CPNE8: variants seen among roughly 807,000 people sequenced by gnomAD.
The protein encoded by CPNE8 is copine 8.
Under a neutral mutation model 81.5 loss-of-function variants are expected in CPNE8, and 45 were observed. The ratio of observed to expected loss-of-function variants is 0.55; its 90% CI spans 0.44 to 0.71. The LOEUF (loss-of-function observed/expected upper bound fraction) is 0.71. Among genes scored for constraint, CPNE8 ranks in the 30% least tolerant of loss-of-function variants. The pLI is 0.00. For missense variants in CPNE8, 594 were observed against 672.1 expected (o/e 0.88, Z 1.28); for synonymous variants, 252 against 226.3 (o/e 1.11, Z -1.02).
At chr12:38,839,831 G>A in intron 5 of CPNE8, 85 bp downstream of exon 5, 1 of 1,172,492 alleles carries the variant, frequency 8.5e-7, no homozygotes, top group Non-Finnish European at 1.2e-6. Flanking sequence ...TAACTTAATA[G>A]ATGTATAACT....
At chr12:38,657,592 C>T (rs1056680673) in intron 19 of CPNE8, among the ~76,000 whole-genome samples, 1 of 152,162 alleles carries the variant, frequency 6.6e-6, no homozygotes, top group African/African-American at 2.4e-5. Flanking sequence ...TCCCTGACCC[C>T]CGTATAGCGT....
chr12:38,895,421 A>T (rs1446337096), intron 1 of CPNE8, among the ~76,000 whole-genome samples: 1 of 152,034 alleles, frequency 6.6e-6, no homozygotes, highest in Non-Finnish European at 1.5e-5. Context: ...CTTACTTTTC[A>T]TTTGCCCAGA....
chr12:38,689,722 A>C (rs1939626431), intron 15 of CPNE8, among the ~76,000 whole-genome samples: 1 of 152,224 alleles, frequency 6.6e-6, no homozygotes, highest in Non-Finnish European at 1.5e-5. Flanking sequence ...AGGAGAAATC[A>C]CTTGGACAGG....
chr12:38,873,140 G>C (rs890595762), intron 2 of CPNE8, 90 bp from the exon 3 acceptor site: 6 of 782,944 alleles, frequency 7.7e-6, no homozygotes, highest in African/African-American at 3.7e-5. Context: ...CTGTTCAAAA[G>C]CTACATCAAA....
At chr12:38,871,428 G>A (rs990149077) in intron 3 of CPNE8, among the ~76,000 whole-genome samples, 12 of 152,166 alleles carry the variant, frequency 7.9e-5, no homozygotes, top group South Asian at 2.1e-4. Context: ...TCAGTAAGCC[G>A]TTCCACTGTA....
intron 6 of CPNE8, among the ~76,000 whole-genome samples, chr12:38,822,279 C>T (rs1219186742): frequency 6.6e-6 from 1 of 152,150 alleles, no homozygotes; most frequent in African/African-American, 2.4e-5. Flanking sequence ...CTCAGTTCCC[C>T]TATTTGATAG....
chr12:38,859,342 A>G (rs1021420286), intron 3 of CPNE8, among the ~76,000 whole-genome samples: 9 of 152,148 alleles, frequency 5.9e-5, no homozygotes, highest in African/African-American at 1.9e-4. Context: ...ATTTCTTTCT[A>G]ACAGAATCAG....
chr12:38,710,857 T>C (rs992972373), intron 13 of CPNE8, among the ~76,000 whole-genome samples: 1 of 152,194 alleles, frequency 6.6e-6, no homozygotes, highest in Admixed American at 6.5e-5. Flanking sequence ...CACCGTACAC[T>C]AGCAATTCTA....
chr12:38,745,211 T>G (rs1615569), intron 10 of CPNE8, among the ~76,000 whole-genome samples: 122,447 of 152,174 alleles, frequency 0.8, 52,311 homozygotes, highest in Middle Eastern at 0.97. Context: ...AGCAGAACTC[T>G]TCACCCACAA....
chr12:38,700,753 T>C (rs1015828764), intron 14 of CPNE8, among the ~76,000 whole-genome samples: 1 of 152,098 alleles, frequency 6.6e-6, no homozygotes, highest in Non-Finnish European at 1.5e-5. Flanking sequence ...GGGAGGTAAT[T>C]GAATCATGGA....
chr12:38,791,098 CTATA>C (rs1390491714), intron 6 of CPNE8, among the ~76,000 whole-genome samples: 1 of 151,672 alleles, frequency 6.6e-6, no homozygotes, highest in Non-Finnish European at 1.5e-5. Context: ...TCCAGTGTCT[CTATA>C]TAGATCGTAC....
At position 38,677,475 on chromosome 12, in the gene CPNE8, G is replaced by A. The variant is rs767508375; in HGVS notation, c.1351C>T (p.Gln451Ter). Residue 451 changes from glutamine (Q) to a stop codon, truncating the protein, a stop_gained, in exon 17 of 20, where the codon CAG becomes TAG. Transcript: ENST00000331366. LOFTEE classifies it high-confidence loss of function. Reference protein sequence around the residue: ...VTDGVISDMAQTKESIVNASK... With the variant: ...VTDGVISDMA ...ACATTAACTATGGACTCCTTAGTCT[G>A]GGCCATATCTGAGATAACACCATCT... 6.2e-7 allele frequency: 1 copy of A among 1,608,496 alleles called. No individual in the cohort carries two copies. The highest frequency in any genetic ancestry group is 8.5e-7 in the Non-Finnish European group (1 of 1,175,430).
At chr12:38,738,467 A>T (rs184988582) in intron 10 of CPNE8, among the ~76,000 whole-genome samples, 1,968 of 152,312 alleles carry the variant, frequency 0.013, 29 homozygotes, top group South Asian at 0.042. Flanking sequence ...GCCTCAAATA[A>T]ATCAACTAAT....
intron 10 of CPNE8, among the ~76,000 whole-genome samples, chr12:38,738,506 T>C (rs1165750175): frequency 6.6e-6 from 1 of 152,168 alleles, no homozygotes; most frequent in East Asian, 1.9e-4. Flanking sequence ...TTTTGTGCTG[T>C]ATAGATAAGG....
At chr12:38,668,946 C>T (rs574912320) in intron 19 of CPNE8, among the ~76,000 whole-genome samples, 1 of 151,852 alleles carries the variant, frequency 6.6e-6, no homozygotes, top group African/African-American at 2.4e-5. Flanking sequence ...CCCAGCTACT[C>T]GAGAGGCTGA....
chr12:38,757,794 CT>C (rs2136840414), intron 10 of CPNE8, among the ~76,000 whole-genome samples: 1 of 152,062 alleles, frequency 6.6e-6, no homozygotes, highest in Non-Finnish European at 1.5e-5. Context: ...ATCCATTCCC[CT>C]AATTATTCTA....
chr12:38,700,897 CCTT>C (rs1411858416), intron 14 of CPNE8, among the ~76,000 whole-genome samples: 2 of 152,154 alleles, frequency 1.3e-5, no homozygotes, highest in East Asian at 3.9e-4. Context: ...TCCTCATTCT[CCTT>C]CTGTCATGAT....
chr12:38,764,124 T>G (rs888732556), intron 8 of CPNE8, among the ~76,000 whole-genome samples: 2 of 152,144 alleles, frequency 1.3e-5, no homozygotes, highest in African/African-American at 4.8e-5. Context: ...TTCTCAGAGC[T>G]GACTCACCTG....
In CPNE8 at chr12:38,829,468, A is replaced by T. The variant is rs1943250862; in HGVS notation, c.331-13T>A. On this transcript the variant is annotated splice_polypyrimidine_tract_variant and intron_variant, in intron 5 of 19. Transcript: ENST00000331366. ...GTCCCAGAAAGTCCTGAAATAGATA[A>T]AAAGATTAAAGCTCATAAGTTTCCA... is the stretch of plus-strand genomic sequence containing the variant. 1.3e-6 allele frequency: 2 copies of T among 1,586,730 alleles called. No homozygotes were observed. The highest frequency in any genetic ancestry group is 8.7e-7 in the Non-Finnish European group (1 of 1,155,322).
Sources: gnomAD v4.1 joint callset for allele counts (sites outside exome capture counted in the v4.1 genomes callset) on GRCh38, gnomAD v4.1.1 for gene constraint, MANE v1.5 for transcripts, NCBI Gene and HGNC (gene_info 2026-07-23, HGNC 2026-07-21) for gene names.